Variants in AKR1B15 observed in about 807,000 individuals in gnomAD.
AKR1B15 encodes the protein estradiol 17-beta-dehydrogenase AKR1B15.
Under a neutral mutation model 38.5 loss-of-function variants are expected in AKR1B15, and 49 were observed. The ratio of observed to expected loss-of-function variants is 1.27; its 90% CI spans 1.01 to 1.62. The LOEUF is 1.62. Among genes scored for constraint, AKR1B15 ranks in the 40% most tolerant of loss-of-function variants. The probability of loss-of-function intolerance (pLI) is 0.00; values close to 1 mark genes in which losing one functional copy is unlikely to be tolerated. For synonymous variants in AKR1B15, 137 were observed against 135.5 expected, an observed-to-expected ratio of 1.01 and a Z score of -0.08; for missense variants, 411 against 381.6, an observed-to-expected ratio of 1.08 and a Z score of -0.64.
chr7:134,555,157 C>T (rs1362442127), intron 1 of AKR1B15, among the ~76,000 whole-genome samples: 1 of 152,170 alleles, frequency 6.6e-6, no homozygotes, highest in Non-Finnish European at 1.5e-5. Flanking sequence ...CACAAGCTAA[C>T]TTGTTACAGT....
intron 6 of AKR1B15, chr7:134,573,453 T>G: frequency 1.0e-6 from 1 of 985,434 alleles, no homozygotes; most frequent in Non-Finnish European, 1.2e-6. Flanking sequence ...TGAGGATGAC[T>G]GCTAAAGAAA....
intron 3 of AKR1B15, 109 bp from the exon 4 acceptor site, chr7:134,568,049 G>A (rs1794580159): frequency 7.4e-7 from 1 of 1,344,010 alleles, no homozygotes; most frequent in Admixed American, 2.0e-5. Context: ...CTCAGGAGTT[G>A]GGAGGATTGT....
chr7:134,549,916 T>C (rs774607839), intron 1 of AKR1B15, among the ~76,000 whole-genome samples: 7 of 152,180 alleles, frequency 4.6e-5, no homozygotes, highest in African/African-American at 7.2e-5. Context: ...AATTCCTCAT[T>C]AGTCGGTTGG....
intron 1 of AKR1B15, among the ~76,000 whole-genome samples, chr7:134,550,659 C>T (rs1044354516): frequency 3.9e-5 from 6 of 152,172 alleles, no homozygotes; most frequent in Middle Eastern, 3.2e-3. Context: ...ATATCTTTGT[C>T]CATGCTGGGT....
chr7:134,579,581 A>T lies in AKR1B15; in HGVS notation c.*32A>T. On this transcript the variant is annotated 3_prime_UTR_variant, in exon 12 of 12. Transcript: ENST00000457545. ...ATCTCCTGGTGAGATTACACAGGGG[A>T]TTCTCTTTCTTCGCTGAAGTGTGAC... 6.4e-7 allele frequency: 1 copy of T among 1,553,122 alleles called. No individual in the cohort carries two copies. The highest frequency in any genetic ancestry group is 8.7e-7 in the Non-Finnish European group (1 of 1,147,892).
At chr7:134,562,838 CTTTCTT>C (rs1562946927) in intron 2 of AKR1B15, among the ~76,000 whole-genome samples, 161 of 47,570 alleles carry the variant, frequency 3.4e-3, no homozygotes, top group African/African-American at 0.016. Flanking sequence ...CTTTCTCTTT[CTTTCTT>C]TCTTTCTTTC....
chr7:134,564,051 T>C (rs1794479046), intron 2 of AKR1B15, among the ~76,000 whole-genome samples: 1 of 152,118 alleles, frequency 6.6e-6, no homozygotes, highest in Admixed American at 6.5e-5. Context: ...TGTCCCAACA[T>C]TAACATTGCC....
At chr7:134,573,640 T>A in intron 6 of AKR1B15, 1 of 739,168 alleles carries the variant, frequency 1.4e-6, no homozygotes, top group Non-Finnish European at 1.7e-6. Context: ...AGTCAAGTTT[T>A]AATACGGGAA....
chr7:134,554,295 G>A (rs1794111770), intron 1 of AKR1B15, among the ~76,000 whole-genome samples: 1 of 152,090 alleles, frequency 6.6e-6, no homozygotes, highest in Non-Finnish European at 1.5e-5. Context: ...GCTGCCCTCT[G>A]TGTCCTTTCC....
chr7:134,571,171 A>G (rs1271274938), intron 5 of AKR1B15, among the ~76,000 whole-genome samples: 1 of 152,174 alleles, frequency 6.6e-6, no homozygotes, highest in Non-Finnish European at 1.5e-5. Context: ...TGGAGTGATG[A>G]TGGCCTGCCA....
chr7:134,553,869 C>A (rs1313546722), intron 1 of AKR1B15, among the ~76,000 whole-genome samples: 1 of 152,174 alleles, frequency 6.6e-6, no homozygotes, highest in Non-Finnish European at 1.5e-5. Flanking sequence ...CTTCCTTGAA[C>A]AGGGAGTACA....
intron 2 of AKR1B15, 106 bp downstream of exon 2, chr7:134,556,965 C>T (rs1646754): frequency 6.6e-6 from 1 of 152,196 alleles, no homozygotes; most frequent in African/African-American, 2.4e-5. Context: ...CTTAGATCTG[C>T]TATTTATCTC....
chr7:134,571,969 G>T (rs1024705152), intron 6 of AKR1B15, among the ~76,000 whole-genome samples: 4 of 152,148 alleles, frequency 2.6e-5, no homozygotes, highest in Admixed American at 1.3e-4. Flanking sequence ...TGGAACAGAG[G>T]GTTTGGGCCT....
intron 6 of AKR1B15, among the ~76,000 whole-genome samples, chr7:134,574,862 G>A (rs1291828477): frequency 1.3e-5 from 2 of 152,218 alleles, no homozygotes; most frequent in Non-Finnish European, 2.9e-5. Context: ...GCCCCTGCTA[G>A]GGCGTAATTT....
chr7:134,575,316 T>G lies in AKR1B15; in HGVS notation c.514-104T>G, dbSNP rs760429574. 2.1e-4 allele frequency: 320 copies of G among 1,498,804 alleles called. 1 individual carries two copies. Among genetic ancestry groups the G allele is most frequent in the Admixed American group, 6.9e-4 (29 of 41,878 alleles). 92.8% of individuals were successfully genotyped at this position (1,498,804 alleles called of 1,614,324 possible). ...CTGTGAATGCTTCAGCTAACTCTGTTGCGGTGGATCCTTTAGCAATTTCTG... is the reference window on the plus strand; with the variant it reads ...CTGTGAATGCTTCAGCTAACTCTGTGGCGGTGGATCCTTTAGCAATTTCTG... On this transcript the variant is annotated intron_variant, in intron 6 of 11. Coordinates refer to ENST00000457545, the MANE Select transcript of AKR1B15 (RefSeq NM_001080538.3).
At chr7:134,576,497 T>G (rs1794771147) in intron 9 of AKR1B15, 67 bp downstream of exon 9, 2 of 1,569,332 alleles carry the variant, frequency 1.3e-6, no homozygotes. Flanking sequence ...TCATTTCTCG[T>G]GTTGTCCTCA....
At chr7:134,554,182 G>T (rs1237683382) in intron 1 of AKR1B15, among the ~76,000 whole-genome samples, 1 of 152,148 alleles carries the variant, frequency 6.6e-6, no homozygotes, top group East Asian at 1.9e-4. Flanking sequence ...GCAATTCACT[G>T]CAAAGGACAT....
At chr7:134,562,866 CTTTCTTTCTTTCTTTCTTTCTTTCCTTCT>C (rs1562947033) in intron 2 of AKR1B15, among the ~76,000 whole-genome samples, 2 of 142,594 alleles carry the variant, frequency 1.4e-5, no homozygotes, top group Admixed American at 7.1e-5. Context: ...TTCTTTCTTT[CTTTCTTTCTTTCTTTCTTTCTTTCCTTCT>C]TTCTTCCTTC....
chr7:134,564,715 T>A lies in AKR1B15; in HGVS notation c.96T>A (p.Ser32Arg). ...QPVGPLTGLKSSLLKDTTSAG... is the reference protein window; with the variant it reads ...QPVGPLTGLKRSLLKDTTSAG... The stretch of plus-strand genomic sequence containing the variant: ...TTGGCCCTTTGACTGGCCTAAAGAG[T>A]TCCCTTCTGAAGGACACTACAAGTG... Residue 32 changes from serine to arginine, a missense_variant, in exon 3 of 12, where the codon AGT becomes AGA. Physicochemically the swap from Ser to Arg is moderately radical, Grantham distance 110. Around this residue, in one of 3 missense-constraint regions of AKR1B15, gnomAD observed 254 missense variants for 212.4 expected, o/e 1.20. Transcript: ENST00000457545. The A allele has an allele frequency of 1.4e-6, 1 of 696,502 alleles. No homozygotes were observed. 43.1% of individuals were successfully genotyped at this position (696,502 alleles called of 1,614,324 possible).
Sources: allele counts gnomAD v4.1 joint callset (sites outside exome capture counted in the v4.1 genomes callset), GRCh38; gene constraint gnomAD v4.1.1; regional missense constraint gnomAD v4.1.1; transcripts MANE v1.5; gene names NCBI Gene and HGNC (gene_info 2026-07-23, HGNC 2026-07-21).